The following GPHN variants were observed in gnomAD, a reference collection of about 807,000 sequenced individuals.
The protein encoded by GPHN is gephyrin.
Under a neutral mutation model 95.5 loss-of-function variants are expected in GPHN, and 17 were observed. That is an observed-to-expected ratio of 0.18 (90% CI 0.12 to 0.27). The LOEUF (loss-of-function observed/expected upper bound fraction) is 0.27. Among genes scored for constraint, GPHN ranks in the 10% least tolerant of loss-of-function variants. The pLI is 1.00. For missense variants in GPHN, 660 were observed against 978.1 expected, an observed-to-expected ratio of 0.67 and a Z score of 4.34; for synonymous variants, 320 against 322.5, an observed-to-expected ratio of 0.99 and a Z score of 0.08.
Position 66,508,299 on chromosome 14 carries a change from CCG to C in GPHN, c.-223_-222del. ...TGCCTCCTTCTTGCCGGACTTGGGG[CCG>C]CGCGCCCTGACTCCTTCCCCTCCCG... is the stretch of plus-strand genomic sequence containing the variant. On this transcript the variant is annotated 5_prime_UTR_variant, in exon 1 of 23. Transcript: ENST00000478722. 3.4e-6 allele frequency: 2 copies of C among 589,194 alleles called. No homozygotes were observed. Among genetic ancestry groups the C allele is most frequent in the South Asian group, 3.9e-5 (2 of 50,642 alleles). 36.5% of individuals were successfully genotyped at this position (589,194 alleles called of 1,614,324 possible).
the GPHN span, among the ~76,000 whole-genome samples, chr14:67,694,431 A>AATAT: frequency 6.2e-3 from 865 of 140,098 alleles, 12 homozygotes; most frequent in East Asian, 0.045. Flanking sequence ...CAGCTCCTGG[A>AATAT]ATATATATAT....
At chr14:67,424,682 G>A in the GPHN span, among the ~76,000 whole-genome samples, 1 of 151,588 alleles carries the variant, frequency 6.6e-6, no homozygotes, top group African/African-American at 2.4e-5. Context: ...CTCAGCATCC[G>A]GCATTCTCCC....
the GPHN span, chr14:67,200,069 C>G: frequency 2.1e-6 from 2 of 960,788 alleles, no homozygotes; most frequent in Non-Finnish European, 3.2e-6. Context: ...CCACCCCAAC[C>G]ACCACCTGGA....
intron 11 of GPHN, among the ~76,000 whole-genome samples, chr14:67,082,605 A>G (rs1212088604): frequency 6.6e-6 from 1 of 152,182 alleles, no homozygotes; most frequent in Non-Finnish European, 1.5e-5. Context: ...TGTTTTGGCT[A>G]TTTGGAGTCC....
At chr14:67,248,852 G>GT in the GPHN span, among the ~76,000 whole-genome samples, 51 of 152,146 alleles carry the variant, frequency 3.4e-4, no homozygotes, top group Middle Eastern at 0.014. Flanking sequence ...TAGAGATGGG[G>GT]TCTCACTGTG....
the GPHN span, chr14:67,695,918 C>T: frequency 1.7e-6 from 1 of 572,328 alleles, no homozygotes; most frequent in Non-Finnish European, 3.1e-6. Context: ...TAATCCCCAA[C>T]CATCTAGGGC....
At chr14:67,245,863 C>T in the GPHN span, among the ~76,000 whole-genome samples, 2 of 148,990 alleles carry the variant, frequency 1.3e-5, no homozygotes, top group Non-Finnish European at 2.9e-5. Flanking sequence ...GATTTTTCTC[C>T]AATTTTTTTT....
chr14:66,924,282 C>G lies in GPHN; in HGVS notation c.818C>G (p.Thr273Arg), dbSNP rs771609374. The change falls in exon 8 of 23, where the codon ACA becomes AGA. Residue 273 changes from threonine to arginine, a missense_variant. Around this residue, in one of 6 missense-constraint regions of GPHN, gnomAD observed 190 missense variants for 224.7 expected, o/e 0.85. Transcript: ENST00000478722. ...CTCATCAATTATTCCCATCATTCAA[C>G]AGATGAACGGGTAAGACAAGAGGCT... is the stretch of plus-strand genomic sequence containing the variant. ...PGLINYSHHS[T>R]DERIPDSIIS... is the part of the protein sequence containing the mutation. 6.3e-7 allele frequency: 1 copy of G among 1,587,736 alleles called. No individual in the cohort carries two copies. The highest frequency in any genetic ancestry group is 1.7e-5 in the Admixed American group (1 of 59,932).
intron 10 of GPHN, among the ~76,000 whole-genome samples, chr14:67,037,253 CCTTAT>C (rs1162897427): frequency 1.3e-5 from 2 of 151,862 alleles, no homozygotes; most frequent in Non-Finnish European, 2.9e-5. Flanking sequence ...GAAGACAGAC[CCTTAT>C]CTTATACCAT....
At chr14:67,636,170 C>T in the GPHN span, among the ~76,000 whole-genome samples, 1 of 152,000 alleles carries the variant, frequency 6.6e-6, no homozygotes, top group East Asian at 1.9e-4. Context: ...GTGTGTCAGC[C>T]CACTTTGAAA....
chr14:67,040,463 A>G (rs1294168739), intron 10 of GPHN, among the ~76,000 whole-genome samples: 3 of 152,194 alleles, frequency 2.0e-5, no homozygotes, highest in Non-Finnish European at 2.9e-5. Flanking sequence ...AAATTAGGAA[A>G]TGAACATTGC....
At chr14:67,433,537 T>A in the GPHN span, among the ~76,000 whole-genome samples, 1 of 151,892 alleles carries the variant, frequency 6.6e-6, no homozygotes, top group Non-Finnish European at 1.5e-5. Context: ...TAAAATGGAA[T>A]ATAAAGACAA....
At chr14:66,530,325 T>C (rs952091290) in intron 1 of GPHN, among the ~76,000 whole-genome samples, 1 of 152,060 alleles carries the variant, frequency 6.6e-6, no homozygotes, top group African/African-American at 2.4e-5. Flanking sequence ...CCTGGTCAAC[T>C]TCAGACTGCT....
At chr14:66,599,391 C>CTT (rs1566679513) in intron 1 of GPHN, among the ~76,000 whole-genome samples, 1 of 74,048 alleles carries the variant, frequency 1.4e-5, no homozygotes, top group African/African-American at 1.6e-4. Flanking sequence ...TTTTTTTTTG[C>CTT]ATTTTTTTTT....
At chr14:67,318,682 A>AT in the GPHN span, among the ~76,000 whole-genome samples, 1 of 152,238 alleles carries the variant, frequency 6.6e-6, no homozygotes, top group African/African-American at 2.4e-5. Flanking sequence ...ACTACAATTC[A>AT]TAATAACTGC....
the GPHN span, among the ~76,000 whole-genome samples, chr14:67,668,015 T>G: frequency 6.6e-6 from 1 of 152,162 alleles, no homozygotes. Flanking sequence ...CTGTAAGTAA[T>G]TGGTGTTTAT....
At chr14:67,253,963 G>GT in the GPHN span, among the ~76,000 whole-genome samples, 313 of 137,126 alleles carry the variant, frequency 2.3e-3, 3 homozygotes, top group Admixed American at 5.0e-3. Flanking sequence ...ATTTTGTTTT[G>GT]TTTTTTTTTT....
intron 10 of GPHN, among the ~76,000 whole-genome samples, chr14:67,026,131 A>G (rs1020485637): frequency 3.3e-5 from 5 of 152,208 alleles, no homozygotes; most frequent in African/African-American, 1.2e-4. Flanking sequence ...GTGAACTTGA[A>G]CAAGTGCTCA....
intron 10 of GPHN, among the ~76,000 whole-genome samples, chr14:67,057,408 G>GGT (rs1245019005): frequency 5.7e-5 from 6 of 104,578 alleles, no homozygotes; most frequent in East Asian, 9.3e-4. Context: ...ATGGGCACAT[G>GGT]GGTGGGGGGG....
Sources: allele counts gnomAD v4.1 joint callset (sites outside exome capture counted in the v4.1 genomes callset), GRCh38; gene constraint gnomAD v4.1.1; regional missense constraint gnomAD v4.1.1; transcripts MANE v1.5; gene names NCBI Gene and HGNC (gene_info 2026-07-23, HGNC 2026-07-21).